Variants in PCDH15 observed in about 807,000 individuals in gnomAD.
PCDH15 encodes protocadherin-15.
In PCDH15, 129 loss-of-function variants were observed where a neutral mutation model predicts 178.5. The ratio of observed to expected loss-of-function variants is 0.72; its 90% CI spans 0.63 to 0.84. The LOEUF (loss-of-function observed/expected upper bound fraction) is 0.84. PCDH15 is among the 40% of genes least tolerant of loss of function. The pLI is 0.00. For missense variants in PCDH15, 2,230 were observed against 2,099.9 expected (o/e 1.06, Z -1.21); for synonymous variants, 800 against 732.0 (o/e 1.09, Z -1.50).
chr10:55,623,942 ACT>A (rs926675396), intron 2 of PCDH15, among the ~76,000 whole-genome samples: 12 of 151,998 alleles, frequency 7.9e-5, no homozygotes, highest in Admixed American at 4.6e-4. Context: ...CCTGTGGACT[ACT>A]CTCTCTCTCA....
At chr10:54,706,648 G>C (rs913363991) in intron 1 of PCDH15, among the ~76,000 whole-genome samples, 1 of 152,106 alleles carries the variant, frequency 6.6e-6, no homozygotes, top group Non-Finnish European at 1.5e-5. Context: ...TTTCAATACG[G>C]TGTCTCGCTC....
intron 2 of PCDH15, among the ~76,000 whole-genome samples, chr10:55,367,680 A>C (rs1845401971): frequency 6.6e-6 from 1 of 152,182 alleles, no homozygotes; most frequent in Admixed American, 6.6e-5. Flanking sequence ...AGGCTTTCAT[A>C]GGTTGAACAC....
intron 8 of PCDH15, among the ~76,000 whole-genome samples, chr10:54,311,062 G>A (rs1215476747): frequency 6.6e-6 from 1 of 152,108 alleles, no homozygotes; most frequent in Non-Finnish European, 1.5e-5. Context: ...AGATAAACCA[G>A]AGAAGCTGTT....
chr10:53,852,710 C>T (rs911558843), intron 28 of PCDH15, among the ~76,000 whole-genome samples: 7 of 151,826 alleles, frequency 4.6e-5, no homozygotes, highest in African/African-American at 1.7e-4. Flanking sequence ...TGATTACATA[C>T]TTACCAAGGA....
At chr10:54,442,886 T>C (rs1335112033) in intron 3 of PCDH15, among the ~76,000 whole-genome samples, 5 of 151,514 alleles carry the variant, frequency 3.3e-5, no homozygotes, top group Admixed American at 1.3e-4. Context: ...TTAATCAAGT[T>C]GTATCCTGTA....
At chr10:54,570,685 T>A (rs541216296) in intron 2 of PCDH15, among the ~76,000 whole-genome samples, 2 of 152,174 alleles carry the variant, frequency 1.3e-5, no homozygotes, top group Non-Finnish European at 2.9e-5. Flanking sequence ...ATGGAGTCTC[T>A]CTCTGTTGCC....
intron 8 of PCDH15, among the ~76,000 whole-genome samples, chr10:54,315,932 TTTTTTTTGTTTG>T (rs1270607393): frequency 0.053 from 7,871 of 149,250 alleles, 246 homozygotes; most frequent in Admixed American, 0.094. Context: ...AGTTTGTGTG[TTTTTTTTGTTTG>T]TTTGTTTGTT....
intron 3 of PCDH15, among the ~76,000 whole-genome samples, chr10:54,408,881 T>C (rs1002224614): frequency 2.6e-5 from 4 of 152,142 alleles, no homozygotes; most frequent in Non-Finnish European, 4.4e-5. Flanking sequence ...GGCATCTGGA[T>C]CATGGGAAAG....
intron 2 of PCDH15, among the ~76,000 whole-genome samples, chr10:55,163,826 A>T (rs569878715): frequency 2.0e-5 from 3 of 152,252 alleles, no homozygotes; most frequent in Non-Finnish European, 4.4e-5. Context: ...CAGTTCCAGG[A>T]ATTGCCCGCC....
In PCDH15 at chr10:53,995,684, T is replaced by C. The variant is rs773566320; in HGVS notation, c.2833A>G (p.Ile945Val). ...GCATCTTCAGCATAAACTGTTGTGATAGGTGTACCCTTGACTGCATCCGGA... is the reference window on the plus strand; with the variant it reads ...GCATCTTCAGCATAAACTGTTGTGACAGGTGTACCCTTGACTGCATCCGGA... ...VAPDAVKGTP[I>V]TTVYAEDADP... The change falls in exon 21 of 38, where the codon ATC becomes GTC. Residue 945 changes from isoleucine (I) to valine (V), a missense_variant. Ile to Val is a conservative substitution (Grantham distance 29). Transcript: ENST00000644397. The C allele has an allele frequency of 3.7e-6, 6 of 1,613,860 alleles. No individual in the cohort carries two copies. The highest frequency in any genetic ancestry group is 1.6e-4 in the Middle Eastern group (1 of 6,084).
chr10:54,375,833 G>C (rs1005782865), intron 4 of PCDH15, among the ~76,000 whole-genome samples: 1 of 132,410 alleles, frequency 7.6e-6, no homozygotes, highest in African/African-American at 2.9e-5. Context: ...TTTTTGAAAT[G>C]GAATATATAT....
intron 2 of PCDH15, among the ~76,000 whole-genome samples, chr10:55,325,982 A>G (rs1844020560): frequency 6.6e-6 from 1 of 152,128 alleles, no homozygotes; most frequent in Admixed American, 6.5e-5. Context: ...AAGTATATGA[A>G]AAAAAATGCT....
At chr10:54,577,246 C>G (rs1470612149) in intron 2 of PCDH15, among the ~76,000 whole-genome samples, 1 of 53,312 alleles carries the variant, frequency 1.9e-5, no homozygotes, top group Non-Finnish European at 4.2e-5. Context: ...CCACGCCCAG[C>G]TAATTTTTTT....
chr10:54,501,407 T>C (rs2080676778), intron 3 of PCDH15, among the ~76,000 whole-genome samples: 1 of 152,100 alleles, frequency 6.6e-6, no homozygotes, highest in African/African-American at 2.4e-5. Flanking sequence ...ATAAACAGTC[T>C]GCAAAACAAG....
intron 2 of PCDH15, among the ~76,000 whole-genome samples, chr10:54,945,877 T>C (rs1412377137): frequency 2.0e-5 from 3 of 151,882 alleles, no homozygotes; most frequent in Non-Finnish European, 2.9e-5. Flanking sequence ...TGTTGTACTT[T>C]TGTTGTAACA....
intron 3 of PCDH15, among the ~76,000 whole-genome samples, chr10:54,499,520 T>A (rs2080445897): frequency 6.6e-6 from 1 of 152,022 alleles, no homozygotes; most frequent in Admixed American, 6.6e-5. Flanking sequence ...CAAGAACATC[T>A]CTTAAAACCA....
At position 54,307,100 on chromosome 10, in the gene PCDH15, G is replaced by A. The variant is rs988786334; in HGVS notation, c.876+10171C>T. Among the ~76,000 whole-genome samples, 18 of 15,532 alleles carry A rather than the reference G, an allele frequency of 1.2e-3. 1 individual carries two copies. The highest frequency in any genetic ancestry group is 5.1e-3 in the South Asian group (3 of 586). 10.2% of individuals were successfully genotyped at this position (15,532 alleles called of 152,430 possible). ...TATATACATATATATATATGTGTGT[G>A]TGTGTATATATATATATATATATAT... On this transcript the variant is annotated intron_variant, in intron 8 of 37. Coordinates refer to ENST00000644397, the MANE Select transcript of PCDH15 (RefSeq NM_001384140.1).
intron 15 of PCDH15, among the ~76,000 whole-genome samples, chr10:54,105,277 GATAT>G (rs55696020): frequency 0.056 from 5,064 of 90,222 alleles, 160 homozygotes; most frequent in Middle Eastern, 0.11. Flanking sequence ...TATAGATGGA[GATAT>G]ATATATATAT....
intron 2 of PCDH15, among the ~76,000 whole-genome samples, chr10:54,933,100 T>C (rs1024127426): frequency 3.9e-5 from 6 of 152,202 alleles, no homozygotes; most frequent in African/African-American, 1.2e-4. Flanking sequence ...TATAGGTTTA[T>C]AGACTATGAG....
Sources: allele counts gnomAD v4.1 joint callset (sites outside exome capture counted in the v4.1 genomes callset), GRCh38; gene constraint gnomAD v4.1.1; transcripts MANE v1.5; gene names NCBI Gene and HGNC (gene_info 2026-07-23, HGNC 2026-07-21).